ANKRD30B: variants seen among roughly 807,000 people sequenced by gnomAD.
The protein encoded by ANKRD30B is ankyrin repeat domain-containing protein 30B.
A neutral mutation model predicts 202.2 loss-of-function variants in ANKRD30B; 144 were observed. The ratio of observed to expected loss-of-function variants is 0.71; its 90% CI spans 0.62 to 0.82. ANKRD30B has a LOEUF of 0.82. ANKRD30B is among the 40% of genes least tolerant of loss of function. The pLI is 0.00. For missense variants in ANKRD30B, 1,487 were observed against 1,669.1 expected, an observed-to-expected ratio of 0.89 and a Z score of 1.90; for synonymous variants, 508 against 561.3, an observed-to-expected ratio of 0.91 and a Z score of 1.34.
At chr18:14,851,364 G>A (rs2143270548) in intron 41 of ANKRD30B, 145 bp from the exon 42 acceptor site, 2 of 738,684 alleles carry the variant, frequency 2.7e-6, no homozygotes, top group East Asian at 6.4e-5. Flanking sequence ...AGTATTTGAA[G>A]TTTTGATTCA....
At chr18:14,836,469 T>C (rs1421745070) in intron 34 of ANKRD30B, among the ~76,000 whole-genome samples, 5 of 152,208 alleles carry the variant, frequency 3.3e-5, no homozygotes, top group African/African-American at 4.8e-5. Context: ...TGCCTTCTTA[T>C]AATTTTCCAT....
the ANKRD30B span, among the ~76,000 whole-genome samples, chr18:14,899,664 G>T: frequency 1.3e-5 from 2 of 152,082 alleles, no homozygotes. Context: ...TTTATTGAGT[G>T]TTTATTGCCA....
chr18:14,791,285 AT>A, intron 15 of ANKRD30B, 115 bp from the exon 16 acceptor site: 1 of 823,984 alleles, frequency 1.2e-6, no homozygotes, highest in East Asian at 2.7e-5. Context: ...CTTAAGTCGA[AT>A]TGTTTGCAAA....
chr18:14,759,776 A>G (rs955399849), intron 5 of ANKRD30B, among the ~76,000 whole-genome samples: 2 of 152,276 alleles, frequency 1.3e-5, no homozygotes, highest in Admixed American at 6.5e-5. Flanking sequence ...TACAAATTAT[A>G]AAATAGCTTA....
chr18:14,796,434 C>T lies in ANKRD30B; in HGVS notation c.1927+19C>T. The T allele has an allele frequency of 1.3e-6, 2 of 1,536,170 alleles. No individual in the cohort carries two copies. The highest frequency in any genetic ancestry group is 1.8e-6 in the Non-Finnish European group (2 of 1,141,012). On this transcript the variant is annotated intron_variant, in intron 18 of 43. Coordinates refer to ENST00000690538, the MANE Select transcript of ANKRD30B (RefSeq NM_001367607.2). ...AAAGCAGGTAAATTTTGTAATTTAA[C>T]TTTTAATCTGTAATTAAGAATATTA...
the ANKRD30B span, among the ~76,000 whole-genome samples, chr18:14,912,364 A>G: frequency 1.3e-5 from 2 of 152,144 alleles, no homozygotes; most frequent in African/African-American, 2.4e-5. Context: ...TTTTGTGTCT[A>G]TTGAGATAAT....
rs888909975 is a variant in ANKRD30B, at chr18:14,851,394, C to G, written c.3565-115C>G. The G allele has an allele frequency of 8.2e-6, 9 of 1,103,612 alleles. No individual in the cohort carries two copies. The East Asian group carries it at 1.3e-4, about 16-fold the overall frequency. The allele number at this position is 1,103,612 out of a possible 1,614,324, so 68.4% of individuals were successfully genotyped here. A position where few individuals can be genotyped will look rare whatever the true frequency, so the allele number is the denominator to read the frequency against. On this transcript the variant is annotated intron_variant, in intron 41 of 43. Transcript: ENST00000690538. ...GATTCAATGGTTCTTCAACTGATAC[C>G]TACTTATAAAAACCCTTTCATTGTA...
the ANKRD30B span, among the ~76,000 whole-genome samples, chr18:14,928,600 G>C: frequency 1.3e-5 from 2 of 152,144 alleles, no homozygotes; most frequent in Admixed American, 6.5e-5. Context: ...ACTGGAACTG[G>C]AACTTGTACC....
At chr18:14,827,461 G>A (rs186027010) in intron 32 of ANKRD30B, among the ~76,000 whole-genome samples, 2 of 152,150 alleles carry the variant, frequency 1.3e-5, no homozygotes, top group Admixed American at 1.3e-4. Context: ...CAGTCTGTGG[G>A]ATCTGAGACT....
At chr18:14,881,340 A>G in the ANKRD30B span, among the ~76,000 whole-genome samples, 2 of 152,158 alleles carry the variant, frequency 1.3e-5, no homozygotes, top group African/African-American at 4.8e-5. Flanking sequence ...CTGTTGATAT[A>G]ATCGTGTGAG....
At chr18:14,750,782 A>G (rs1045829996) in intron 1 of ANKRD30B, among the ~76,000 whole-genome samples, 1 of 152,130 alleles carries the variant, frequency 6.6e-6, no homozygotes, top group African/African-American at 2.4e-5. Flanking sequence ...TTGAAAATGT[A>G]TTTTGGTGTA....
Position 14,837,686 on chromosome 18 carries a change from A to G in ANKRD30B, c.2988+10A>G, listed in dbSNP as rs1442330024. The stretch of plus-strand genomic sequence containing the variant: ...AACTTCAGATTCTGAGGTACTGTGT[A>G]TTGTTGTTGTTGTTATTTTAAAACT... On this transcript the variant is annotated intron_variant, in intron 36 of 43. Coordinates refer to ENST00000690538, the MANE Select transcript of ANKRD30B (RefSeq NM_001367607.2). The G allele has an allele frequency of 6.5e-7, 1 of 1,532,484 alleles. No individual in the cohort carries two copies. The highest frequency in any genetic ancestry group is 2.5e-5 in the East Asian group (1 of 40,744). 94.9% of individuals were successfully genotyped at this position (1,532,484 alleles called of 1,614,324 possible).
At chr18:14,789,565 G>A (rs1206855652) in intron 15 of ANKRD30B, among the ~76,000 whole-genome samples, 3 of 152,220 alleles carry the variant, frequency 2.0e-5, no homozygotes, top group Admixed American at 6.5e-5. Flanking sequence ...ATTACTTTTT[G>A]TATAAGGTGT....
At chr18:14,837,887 G>A (rs561405422) in intron 36 of ANKRD30B, among the ~76,000 whole-genome samples, 1 of 152,248 alleles carries the variant, frequency 6.6e-6, no homozygotes, top group Admixed American at 6.5e-5. Context: ...ATGGTGGCGG[G>A]CACCTGTAGT....
chr18:14,758,559 T>G (rs887248686), intron 5 of ANKRD30B, among the ~76,000 whole-genome samples: 4 of 152,170 alleles, frequency 2.6e-5, no homozygotes, highest in South Asian at 2.1e-4. Flanking sequence ...TTTTTTAAAG[T>G]TCACATACAT....
rs1161747630 is a variant in ANKRD30B, at chr18:14,784,322, CT to C, written c.1571-10del. On this transcript the variant is annotated splice_polypyrimidine_tract_variant and intron_variant, in intron 12 of 43. Coordinates refer to ENST00000690538, the MANE Select transcript of ANKRD30B (RefSeq NM_001367607.2). The stretch of plus-strand genomic sequence containing the variant: ...TTTACTTATGATTGATGATAAATCT[CT>C]TTTGCATTTTAGAGCTTCCTGAGAA... 1.2e-6 allele frequency: 2 copies of C among 1,610,950 alleles called. No homozygotes were observed. The highest frequency in any genetic ancestry group is 3.3e-5 in the Admixed American group (2 of 59,878).
At chr18:14,904,256 C>T in the ANKRD30B span, among the ~76,000 whole-genome samples, 3 of 152,200 alleles carry the variant, frequency 2.0e-5, no homozygotes, top group Non-Finnish European at 4.4e-5. Context: ...AGGCAGAGGT[C>T]CTGTCCTGGC....
At chr18:14,892,920 AATAG>A in the ANKRD30B span, among the ~76,000 whole-genome samples, 7 of 152,096 alleles carry the variant, frequency 4.6e-5, no homozygotes, top group South Asian at 1.2e-3. Flanking sequence ...GTCTCAAAAT[AATAG>A]ATAAATAAAT....
intron 11 of ANKRD30B, among the ~76,000 whole-genome samples, chr18:14,781,946 A>G (rs1372758208): frequency 1.3e-5 from 2 of 152,232 alleles, no homozygotes; most frequent in Non-Finnish European, 2.9e-5. Flanking sequence ...TTAAGATTAT[A>G]TGAGTAAACT....
Sources: allele counts gnomAD v4.1 joint callset (sites outside exome capture counted in the v4.1 genomes callset), GRCh38; gene constraint gnomAD v4.1.1; transcripts MANE v1.5; gene names NCBI Gene and HGNC (gene_info 2026-07-23, HGNC 2026-07-21).